Variants in ARHGAP28 observed in about 807,000 individuals in gnomAD.
ARHGAP28 encodes the protein rho GTPase-activating protein 28.
A neutral mutation model predicts 90.7 loss-of-function variants in ARHGAP28; 56 were observed. The ratio of observed to expected loss-of-function variants is 0.62; its 90% CI spans 0.50 to 0.77. The LOEUF is 0.77. Among genes scored for constraint, ARHGAP28 ranks in the 30% least tolerant of loss-of-function variants. The pLI is 0.00. For missense variants in ARHGAP28, 869 were observed against 900.9 expected (o/e 0.96, Z 0.45); for synonymous variants, 308 against 323.3 (o/e 0.95, Z 0.51).
rs532260585 is a variant in ARHGAP28 at position 6,839,424 on chromosome 18, A to G, written c.543+2010A>G. ...TTCTCCCCCCTCAGCCTCCCGAGTA[A>G]CTGGGACTATAGGCGCCAGCCACCA... is the stretch of plus-strand genomic sequence containing the variant. On this transcript the variant is annotated intron_variant, in intron 3 of 17. Coordinates refer to ENST00000383472, the MANE Select transcript of ARHGAP28 (RefSeq NM_001366230.1). 9.9e-4 allele frequency among the ~76,000 whole-genome samples: 150 copies of G among 151,850 alleles called. 2 individuals are homozygous for G. Among genetic ancestry groups the G allele is most frequent in the South Asian group, 5.0e-3 (24 of 4,802 alleles).
At chr18:6,801,622 T>C (rs2056482627) in intron 1 of ARHGAP28, among the ~76,000 whole-genome samples, 1 of 152,176 alleles carries the variant, frequency 6.6e-6, no homozygotes, top group Non-Finnish European at 1.5e-5. Context: ...TTTTTTAATG[T>C]GACTTTTAAA....
chr18:6,818,601 G>A (rs763005640), intron 1 of ARHGAP28, among the ~76,000 whole-genome samples: 11 of 152,272 alleles, frequency 7.2e-5, no homozygotes, highest in Admixed American at 1.3e-4. Flanking sequence ...CTGAGACAGC[G>A]AATAACTGGA....
chr18:6,874,072 T>C (rs1269509001), intron 9 of ARHGAP28, among the ~76,000 whole-genome samples: 1 of 152,230 alleles, frequency 6.6e-6, no homozygotes, highest in Non-Finnish European at 1.5e-5. Context: ...TTTTTTCCAA[T>C]ATTTTTTCAA....
intron 12 of ARHGAP28, 126 bp from the exon 13 acceptor site, chr18:6,889,762 C>T (rs188551484): frequency 1.4e-4 from 115 of 832,960 alleles, no homozygotes; most frequent in African/African-American, 5.7e-4. Context: ...AAACATGGTA[C>T]GTTTAACCAT....
chr18:6,890,054 T>C lies in ARHGAP28; in HGVS notation c.1703T>C (p.Leu568Pro). The C allele has an allele frequency of 6.2e-7, 1 of 1,614,192 alleles. No individual in the cohort carries two copies. The highest frequency in any genetic ancestry group is 1.3e-5 in the African/African-American group (1 of 75,056). ...AACACTGCGGCCCACATCATCCGCC[T>C]AATGCTTAAGTACCAGAAGATTTTG... ...LANTAAHIIR[L>P]MLKYQKILWK... The change falls in exon 13 of 18, where the codon CTA becomes CCA. Residue 568 changes from leucine (L) to proline (P), a missense_variant. Leu to Pro is a moderately conservative substitution (Grantham distance 98, BLOSUM62 -3). Coordinates refer to ENST00000383472, the MANE Select transcript of ARHGAP28 (RefSeq NM_001366230.1).
At chr18:6,761,252 A>G (rs2143332378) in intron 1 of ARHGAP28, among the ~76,000 whole-genome samples, 1 of 152,224 alleles carries the variant, frequency 6.6e-6, no homozygotes, top group East Asian at 1.9e-4. Context: ...GTGACATTTC[A>G]TAGGTGTATT....
At chr18:6,841,184 T>TCTC (rs2056815825) in intron 3 of ARHGAP28, among the ~76,000 whole-genome samples, 3 of 54,364 alleles carry the variant, frequency 5.5e-5, no homozygotes, top group South Asian at 9.1e-4. Flanking sequence ...CTCTCTCCTC[T>TCTC]CTCTCTCTCT....
chr18:6,799,281 G>T (rs1224818211), intron 1 of ARHGAP28, among the ~76,000 whole-genome samples: 1 of 151,950 alleles, frequency 6.6e-6, no homozygotes, highest in Admixed American at 6.5e-5. Context: ...TAGATAGGAA[G>T]AATCAGTATT....
chr18:6,841,152 C>CTCTCTCTCTCTCCTCTCTCTCTCTCT (rs1369547091), intron 3 of ARHGAP28, among the ~76,000 whole-genome samples: 29 of 112,324 alleles, frequency 2.6e-4, no homozygotes, highest in African/African-American at 9.0e-4. Flanking sequence ...CTGTCTCTCT[C>CTCTCTCTCTCTCCTCTCTCTCTCTCT]CTCTTTCTCT....
At chr18:6,731,736 G>A (rs2055884475) in intron 1 of ARHGAP28, among the ~76,000 whole-genome samples, 1 of 152,088 alleles carries the variant, frequency 6.6e-6, no homozygotes, top group African/African-American at 2.4e-5. Flanking sequence ...TCAAAAAGAG[G>A]TTCCTGTATT....
At chr18:6,883,028 G>A (rs1203636713) in intron 11 of ARHGAP28, among the ~76,000 whole-genome samples, 1 of 152,112 alleles carries the variant, frequency 6.6e-6, no homozygotes, top group Non-Finnish European at 1.5e-5. Context: ...AACCTGGGGA[G>A]TTCAGGCATT....
At chr18:6,821,920 A>G (rs548259142) in intron 1 of ARHGAP28, among the ~76,000 whole-genome samples, 6 of 152,264 alleles carry the variant, frequency 3.9e-5, no homozygotes, top group South Asian at 4.1e-4. Context: ...TGATTTACCT[A>G]TTATTTCACA....
At chr18:6,783,666 C>T (rs1268644013) in intron 1 of ARHGAP28, among the ~76,000 whole-genome samples, 2 of 152,180 alleles carry the variant, frequency 1.3e-5, no homozygotes, top group Admixed American at 1.3e-4. Context: ...CACTCTTACT[C>T]TCCTACACTT....
At chr18:6,867,226 A>G (rs2057044292) in intron 5 of ARHGAP28, among the ~76,000 whole-genome samples, 1 of 152,112 alleles carries the variant, frequency 6.6e-6, no homozygotes, top group South Asian at 2.1e-4. Flanking sequence ...AGAATTCAAG[A>G]CCCCTTTGCG....
At chr18:6,767,848 A>G (rs1424464766) in intron 1 of ARHGAP28, among the ~76,000 whole-genome samples, 1 of 152,268 alleles carries the variant, frequency 6.6e-6, no homozygotes, top group South Asian at 2.1e-4. Flanking sequence ...TCTGTGATCT[A>G]TAGTTTTCAA....
intron 1 of ARHGAP28, among the ~76,000 whole-genome samples, chr18:6,759,371 T>A (rs950304812): frequency 6.6e-6 from 1 of 152,180 alleles, no homozygotes; most frequent in Non-Finnish European, 1.5e-5. Flanking sequence ...AACGCCTGTG[T>A]TTAGATGTAG....
chr18:6,741,976 G>A (rs138589097), intron 1 of ARHGAP28, among the ~76,000 whole-genome samples: 127 of 152,216 alleles, frequency 8.3e-4, no homozygotes, highest in Admixed American at 2.0e-3. Context: ...CTGGAGAAAT[G>A]GTTTAGAAGG....
intron 3 of ARHGAP28, among the ~76,000 whole-genome samples, chr18:6,840,330 T>C (rs1405457374): frequency 6.6e-6 from 1 of 152,228 alleles, no homozygotes; most frequent in Non-Finnish European, 1.5e-5. Flanking sequence ...TCTAGGAAAC[T>C]GCATTTCTAG....
At chr18:6,857,674 G>A (rs2056964503) in intron 4 of ARHGAP28, among the ~76,000 whole-genome samples, 1 of 152,190 alleles carries the variant, frequency 6.6e-6, no homozygotes, top group South Asian at 2.1e-4. Context: ...ACAGCAGGAG[G>A]ATGATAGGAT....
Sources: gnomAD v4.1 joint callset for allele counts (sites outside exome capture counted in the v4.1 genomes callset) on GRCh38, gnomAD v4.1.1 for gene constraint, MANE v1.5 for transcripts, NCBI Gene and HGNC (gene_info 2026-07-23, HGNC 2026-07-21) for gene names.